Variants in NME9 observed in about 807,000 individuals in gnomAD.
The protein encoded by NME9 is NME/NM23 family member 9, also known as thioredoxin domain-containing protein 6.
A neutral mutation model predicts 44.4 loss-of-function variants in NME9; 48 were observed. The ratio of observed to expected loss-of-function variants is 1.08; its 90% CI spans 0.86 to 1.37. NME9 has a LOEUF of 1.37. Among genes scored for constraint, NME9 ranks in the 40% most tolerant of loss-of-function variants. The pLI is 0.00. For synonymous variants in NME9, 139 were observed against 147.1 expected (o/e 0.94, Z 0.40); for missense variants, 325 against 405.2 (o/e 0.80, Z 1.70).
chr3:138,317,339 C>A (rs2053158113), intron 4 of NME9, among the ~76,000 whole-genome samples: 1 of 152,188 alleles, frequency 6.6e-6, no homozygotes, highest in African/African-American at 2.4e-5. Context: ...ATTAAACAAC[C>A]CTAGCCTGGT....
chr3:138,305,837 C>T (rs1340596923), intron 8 of NME9, 167 bp downstream of exon 8: 7 of 572,796 alleles, frequency 1.2e-5, no homozygotes, highest in Non-Finnish European at 2.2e-5. Context: ...AAAAACTTTA[C>T]CTGATACAGC....
chr3:138,286,962 C>T (rs1295597855), intron 8 of NME9, among the ~76,000 whole-genome samples: 1 of 152,218 alleles, frequency 6.6e-6, no homozygotes, highest in East Asian at 1.9e-4. Flanking sequence ...AATTTATCAA[C>T]AAGTCCTATC....
rs76062438 is a variant in NME9, at chr3:138,274,924, C to T, written c.746-12338G>A. ...CCATGCTCTCAACTCAAAATTCCTGCGACTCGCTGATAAAATAATTCCTCA... is the reference window on the plus strand; with the variant it reads ...CCATGCTCTCAACTCAAAATTCCTGTGACTCGCTGATAAAATAATTCCTCA... On this transcript the variant is annotated intron_variant, in intron 8 of 8. Transcript: ENST00000317876. Among the ~76,000 whole-genome samples the T allele has an allele frequency of 5.1e-4, 78 of 152,278 alleles. 4 individuals are homozygous for T. In the East Asian group the frequency reaches 0.014, roughly 28 times the overall value.
At chr3:138,269,980 T>C (rs2048638102) in intron 8 of NME9, 2 of 1,165,946 alleles carry the variant, frequency 1.7e-6, no homozygotes, top group Non-Finnish European at 2.6e-6. Context: ...GGTATATGCA[T>C]GTTTAGTTTG....
chr3:138,327,316 A>C (rs1443277144), intron 1 of NME9, among the ~76,000 whole-genome samples: 1 of 152,166 alleles, frequency 6.6e-6, no homozygotes, highest in Non-Finnish European at 1.5e-5. Context: ...CCACAACTAC[A>C]GTCCTGAGGA....
intron 8 of NME9, among the ~76,000 whole-genome samples, chr3:138,264,534 C>T (rs1019703386): frequency 4.7e-5 from 7 of 148,050 alleles, no homozygotes; most frequent in South Asian, 2.1e-4. Context: ...ATTCTTCTGC[C>T]TCAGCCTCTC....
intron 8 of NME9, chr3:138,288,984 CAAA>C: frequency 7.4e-7 from 1 of 1,353,102 alleles, no homozygotes; most frequent in Non-Finnish European, 1.0e-6. Flanking sequence ...TAGGTCCCCC[CAAA>C]AAAAAATCTA....
intron 8 of NME9, among the ~76,000 whole-genome samples, chr3:138,276,125 G>T (rs1178220317): frequency 6.6e-6 from 1 of 152,128 alleles, no homozygotes; most frequent in Non-Finnish European, 1.5e-5. Context: ...CAACAGTATT[G>T]TTTTTGCAGG....
chr3:138,280,577 T>A (rs1193671318), intron 8 of NME9, among the ~76,000 whole-genome samples: 2 of 151,126 alleles, frequency 1.3e-5, no homozygotes, highest in African/African-American at 4.9e-5. Context: ...CACTGCAAGC[T>A]CCGTCTTCCG....
exon 9 of NME9, chr3:138,262,505 C>A: frequency 6.3e-7 from 1 of 1,596,298 alleles, no homozygotes; most frequent in Non-Finnish European, 8.5e-7. Context: ...TCCACTCTCT[C>A]ATGTTCTAAG....
At chr3:138,311,580 T>C (rs1270245994) in intron 6 of NME9, among the ~76,000 whole-genome samples, 1 of 152,202 alleles carries the variant, frequency 6.6e-6, no homozygotes. Flanking sequence ...AAAGGGTTCA[T>C]CATATGTAAA....
chr3:138,306,152 ATTAATTAAT>A, intron 7 of NME9, 56 bp from the exon 8 acceptor site: 1 of 1,269,214 alleles, frequency 7.9e-7, no homozygotes, highest in Non-Finnish European at 1.1e-6. Context: ...ATTCACATTG[ATTAATTAAT>A]TTAGTTGAAA....
chr3:138,288,198 G>T lies in NME9; in HGVS notation c.745+15309C>A, dbSNP rs1175597647. ...AGTAAGCCATTTATAGATTGTGTGT[G>T]TGTGAAAGTCTAGGTGTTACAGAAC... On this transcript the variant is annotated intron_variant, in intron 8 of 8. Coordinates refer to the NME9 transcript ENST00000317876. Among the ~76,000 whole-genome samples, 3 of 152,196 alleles carry T rather than the reference G, an allele frequency of 2.0e-5. No homozygotes were observed. In the East Asian group the frequency reaches 5.8e-4, roughly 29 times the overall value.
chr3:138,317,946 G>T (rs974635465), intron 4 of NME9, among the ~76,000 whole-genome samples: 1 of 152,240 alleles, frequency 6.6e-6, no homozygotes, highest in South Asian at 2.1e-4. Context: ...TTAGACTTGG[G>T]GGTGGGGGTG....
At chr3:138,282,687 T>C (rs1032586306) in intron 8 of NME9, among the ~76,000 whole-genome samples, 1 of 151,346 alleles carries the variant, frequency 6.6e-6, no homozygotes, top group Non-Finnish European at 1.5e-5. Flanking sequence ...TACCTTATCC[T>C]GTAGGCTCAG....
chr3:138,308,759 G>A (rs778712365), intron 6 of NME9, among the ~76,000 whole-genome samples: 19 of 152,004 alleles, frequency 1.2e-4, no homozygotes, highest in African/African-American at 3.6e-4. Context: ...GCTGTGAAAT[G>A]TGCCCAAAAT....
At chr3:138,293,232 C>T (rs536691624) in intron 8 of NME9, among the ~76,000 whole-genome samples, 39 of 152,166 alleles carry the variant, frequency 2.6e-4, no homozygotes, top group Non-Finnish European at 5.6e-4. Flanking sequence ...CGAAGCTTAC[C>T]ATCCTGTAGG....
At chr3:138,263,253 G>A (rs1206375144) in intron 8 of NME9, among the ~76,000 whole-genome samples, 2 of 152,244 alleles carry the variant, frequency 1.3e-5, no homozygotes, top group Non-Finnish European at 2.9e-5. Context: ...TATAGTGAAA[G>A]ATGGCAAGGG....
chr3:138,295,803 T>C, intron 8 of NME9: 1 of 1,596,394 alleles, frequency 6.3e-7, no homozygotes, highest in South Asian at 1.1e-5. Context: ...ACCATAGGGT[T>C]TTTTACCCCA....
Sources: allele counts gnomAD v4.1 joint callset (sites outside exome capture counted in the v4.1 genomes callset), GRCh38; gene constraint gnomAD v4.1.1; transcripts MANE v1.5; gene names NCBI Gene and HGNC (gene_info 2026-07-23, HGNC 2026-07-21).